The following CAMKMT variants were observed in gnomAD, a reference collection of about 807,000 sequenced individuals.
CAMKMT encodes the protein CaM KMT.
A neutral mutation model predicts 48.0 loss-of-function variants in CAMKMT; 53 were observed. That is an observed-to-expected ratio of 1.10 (90% confidence interval 0.89 to 1.39). CAMKMT has a LOEUF of 1.39. Among genes scored for constraint, CAMKMT ranks in the 40% most tolerant of loss-of-function variants. CAMKMT has a pLI of 0.00. For missense variants in CAMKMT, 428 were observed against 402.7 expected, an observed-to-expected ratio of 1.06 and a Z score of -0.54; for synonymous variants, 165 against 152.3, an observed-to-expected ratio of 1.08 and a Z score of -0.61.
intron 3 of CAMKMT, among the ~76,000 whole-genome samples, chr2:44,437,871 T>C (rs1666375953): frequency 6.7e-6 from 1 of 150,000 alleles, no homozygotes; most frequent in Admixed American, 6.7e-5. Context: ...TCAAACAGGA[T>C]TCAGATTCAG....
intron 9 of CAMKMT, among the ~76,000 whole-genome samples, chr2:44,765,165 T>A (rs146272545): frequency 0.016 from 2,450 of 152,030 alleles, 28 homozygotes; most frequent in African/African-American, 0.036. Context: ...GAGGCAGAGG[T>A]TCCAGTGAAC....
At chr2:44,631,486 T>A (rs1257020626) in intron 3 of CAMKMT, 1 of 614,928 alleles carries the variant, frequency 1.6e-6, no homozygotes, top group South Asian at 2.0e-5. Context: ...ATTTTTTTTG[T>A]ACAGATGATG....
intron 3 of CAMKMT, among the ~76,000 whole-genome samples, chr2:44,438,886 T>C (rs1326209920): frequency 1.3e-5 from 2 of 152,152 alleles, no homozygotes; most frequent in Non-Finnish European, 2.9e-5. Context: ...TCCTCTTATC[T>C]GCCCCTCCTA....
At chr2:44,628,903 T>C (rs1672647575) in intron 3 of CAMKMT, among the ~76,000 whole-genome samples, 1 of 152,198 alleles carries the variant, frequency 6.6e-6, no homozygotes, top group Admixed American at 6.5e-5. Context: ...TTTCAATCTT[T>C]AAGTTATTGA....
chr2:44,519,863 T>C (rs916563998), intron 3 of CAMKMT, among the ~76,000 whole-genome samples: 3 of 152,092 alleles, frequency 2.0e-5, no homozygotes, highest in Admixed American at 2.0e-4. Context: ...TGCCTCAGCC[T>C]CCTGAGTAGC....
At chr2:44,723,653 T>TAAATAAAA (rs1678615936) in intron 7 of CAMKMT, 3 of 139,124 alleles carry the variant, frequency 2.2e-5, no homozygotes, top group African/African-American at 2.7e-5. Context: ...AATAAATAAA[T>TAAATAAAA]AAAATAATAA....
intron 3 of CAMKMT, among the ~76,000 whole-genome samples, chr2:44,623,647 T>C (rs1672317463): frequency 6.6e-6 from 1 of 152,122 alleles, no homozygotes; most frequent in African/African-American, 2.4e-5. Flanking sequence ...GATGTGTGGC[T>C]TTATCTCTGT....
intron 3 of CAMKMT, among the ~76,000 whole-genome samples, chr2:44,583,968 A>G (rs1669711451): frequency 6.6e-6 from 1 of 152,212 alleles, no homozygotes; most frequent in Non-Finnish European, 1.5e-5. Flanking sequence ...ATATAACTGT[A>G]TACATACCCA....
chr2:44,738,398 G>A (rs896554700), intron 7 of CAMKMT, among the ~76,000 whole-genome samples: 14 of 152,178 alleles, frequency 9.2e-5, no homozygotes, highest in Non-Finnish European at 1.3e-4. Flanking sequence ...GCCTTGTTAC[G>A]CCATCTTTGC....
intron 3 of CAMKMT, among the ~76,000 whole-genome samples, chr2:44,437,477 T>C (rs1049617453): frequency 1.4e-4 from 20 of 141,098 alleles, no homozygotes; most frequent in Admixed American, 2.0e-4. Flanking sequence ...GTTTTTTATT[T>C]AATTCCTTTA....
At chr2:44,588,023 A>G (rs1456670684) in intron 3 of CAMKMT, among the ~76,000 whole-genome samples, 92 of 140,160 alleles carry the variant, frequency 6.6e-4, no homozygotes, top group African/African-American at 2.4e-3. Flanking sequence ...CATCCCATCT[A>G]GGAAGCGAGG....
intron 3 of CAMKMT, among the ~76,000 whole-genome samples, chr2:44,422,501 G>T (rs1261086052): frequency 6.6e-6 from 1 of 152,158 alleles, no homozygotes; most frequent in African/African-American, 2.4e-5. Flanking sequence ...TCAACGTGCA[G>T]GATCAGTCTT....
intron 3 of CAMKMT, among the ~76,000 whole-genome samples, chr2:44,686,874 G>C (rs1676366643): frequency 6.6e-6 from 1 of 152,184 alleles, no homozygotes; most frequent in Non-Finnish European, 1.5e-5. Context: ...CTGGCACCTA[G>C]CACTAAAATA....
intron 6 of CAMKMT, among the ~76,000 whole-genome samples, chr2:44,709,388 T>A (rs1677746690): frequency 6.6e-6 from 1 of 152,202 alleles, no homozygotes; most frequent in African/African-American, 2.4e-5. Context: ...CTCTTAGGAC[T>A]TTCCTGATGG....
chr2:44,431,189 A>G (rs1170896779), intron 3 of CAMKMT, among the ~76,000 whole-genome samples: 1 of 152,184 alleles, frequency 6.6e-6, no homozygotes, highest in East Asian at 1.9e-4. Flanking sequence ...CTACCTGAAG[A>G]TATTATAAAT....
At chr2:44,736,195 A>G (rs1176526848) in intron 7 of CAMKMT, among the ~76,000 whole-genome samples, 4 of 152,098 alleles carry the variant, frequency 2.6e-5, no homozygotes, top group Non-Finnish European at 4.4e-5. Flanking sequence ...TTCTTGCAGC[A>G]TAGGTCTGCT....
At position 44,708,211 on chromosome 2, in the gene CAMKMT, A is replaced by ATTTTTTTTTT. The variant is rs59281575; in HGVS notation, c.556+765_556+774dup. Among the ~76,000 whole-genome samples, 410 of 68,186 alleles carry ATTTTTTTTTT rather than the reference A, an allele frequency of 6.0e-3. 54 individuals are homozygous for ATTTTTTTTTT. The highest frequency in any genetic ancestry group is 0.01 in the South Asian group (14 of 1,394). 44.7% of individuals were successfully genotyped at this position (68,186 alleles called of 152,430 possible). ...AAAGTGGCAGATATGTTTGCTTTGG[A>ATTTTTTTTTT]TTTTTTTTTTTTTTTTTTTTTTTTT... On this transcript the variant is annotated intron_variant, in intron 6 of 10. Transcript: ENST00000378494.
chr2:44,654,100 C>G (rs2104050405), intron 3 of CAMKMT, among the ~76,000 whole-genome samples: 1 of 152,270 alleles, frequency 6.6e-6, no homozygotes, highest in African/African-American at 2.4e-5. Flanking sequence ...AGCTAGTGCC[C>G]TGTCACTTAC....
intron 3 of CAMKMT, among the ~76,000 whole-genome samples, chr2:44,607,744 G>A (rs1176028824): frequency 3.3e-5 from 5 of 152,120 alleles, no homozygotes; most frequent in Admixed American, 6.5e-5. Context: ...TTCTGCATAT[G>A]TAATTATAAT....
Sources: allele counts gnomAD v4.1 joint callset (sites outside exome capture counted in the v4.1 genomes callset), GRCh38; gene constraint gnomAD v4.1.1; transcripts MANE v1.5; gene names NCBI Gene and HGNC (gene_info 2026-07-23, HGNC 2026-07-21).